Variants in SCAMP1 observed in about 807,000 individuals in gnomAD.
The protein encoded by SCAMP1 is secretory carrier membrane protein 1, also known as secretory carrier-associated membrane protein 1.
SCAMP1 carries 15 observed loss-of-function variants against 41.8 expected under a neutral mutation model. The observed-to-expected ratio is 0.36, with a 90% CI of 0.24 to 0.55. The LOEUF (loss-of-function observed/expected upper bound fraction) is 0.55, where lower values mean the gene tolerates loss of function less well. Among genes scored for constraint, SCAMP1 ranks in the 20% least tolerant of loss-of-function variants. The probability of loss-of-function intolerance (pLI) is 0.86; values close to 1 mark genes in which losing one functional copy is unlikely to be tolerated. For synonymous variants in SCAMP1, 135 were observed against 136.8 expected, an observed-to-expected ratio of 0.99 and a Z score of 0.09; for missense variants, 341 against 412.6, an observed-to-expected ratio of 0.83 and a Z score of 1.50.
At chr5:78,428,922 G>C (rs2112161295) in intron 6 of SCAMP1, among the ~76,000 whole-genome samples, 1 of 152,168 alleles carries the variant, frequency 6.6e-6, no homozygotes, top group African/African-American at 2.4e-5. Flanking sequence ...GTTGCTAGTA[G>C]TTAGAAATAA....
chr5:78,409,331 T>C (rs534138288), intron 2 of SCAMP1, among the ~76,000 whole-genome samples: 92 of 152,280 alleles, frequency 6.0e-4, no homozygotes, highest in Non-Finnish European at 1.1e-3. Context: ...TCTCTACATA[T>C]GGGTGATCTG....
intron 6 of SCAMP1, among the ~76,000 whole-genome samples, chr5:78,423,012 GCGCGCACACACA>G (rs1214637234): frequency 0.022 from 3,390 of 150,918 alleles, 144 homozygotes; most frequent in African/African-American, 0.077. Flanking sequence ...ACACACGCGC[GCGCGCACACACA>G]CACACACACA....
intron 6 of SCAMP1, among the ~76,000 whole-genome samples, chr5:78,440,285 C>T (rs1158140659): frequency 1.3e-5 from 2 of 152,202 alleles, no homozygotes; most frequent in Non-Finnish European, 2.9e-5. Context: ...AGAAGGGGCG[C>T]TCTGATTTTT....
intron 6 of SCAMP1, among the ~76,000 whole-genome samples, chr5:78,443,653 C>CTTTTTTTTTTTTTTT (rs71613955): frequency 1.4e-5 from 1 of 71,960 alleles, no homozygotes; most frequent in Non-Finnish European, 2.4e-5. Flanking sequence ...AGTGGTTTTG[C>CTTTTTTTTTTTTTTT]TTTTTTTTTT....
At chr5:78,370,461 T>G (rs564825017) in intron 1 of SCAMP1, among the ~76,000 whole-genome samples, 51 of 152,148 alleles carry the variant, frequency 3.4e-4, no homozygotes, top group African/African-American at 1.1e-3. Flanking sequence ...GAAAACCCTG[T>G]TCTCCTTTCT....
chr5:78,461,269 G>A (rs1753605489), intron 8 of SCAMP1, among the ~76,000 whole-genome samples: 1 of 152,186 alleles, frequency 6.6e-6, no homozygotes, highest in South Asian at 2.1e-4. Flanking sequence ...GTCTAGAAGA[G>A]TATTTCCTAG....
At chr5:78,467,969 G>A (rs913254649) in intron 8 of SCAMP1, among the ~76,000 whole-genome samples, 9 of 152,060 alleles carry the variant, frequency 5.9e-5, no homozygotes, top group African/African-American at 2.2e-4. Context: ...AACAGTTAAT[G>A]CCCTCTAACC....
At chr5:78,396,878 T>C (rs187730601) in intron 2 of SCAMP1, among the ~76,000 whole-genome samples, 39 of 152,364 alleles carry the variant, frequency 2.6e-4, no homozygotes, top group Admixed American at 2.4e-3. Flanking sequence ...AATTTAACAA[T>C]GTAGAAGTCA....
intron 1 of SCAMP1, among the ~76,000 whole-genome samples, chr5:78,385,259 A>G (rs1287142441): frequency 3.3e-5 from 5 of 152,018 alleles, no homozygotes; most frequent in African/African-American, 9.7e-5. Context: ...GTAGCCTTGA[A>G]TGATCTTTGT....
chr5:78,458,515 T>G (rs907521052), intron 7 of SCAMP1, among the ~76,000 whole-genome samples: 1 of 152,234 alleles, frequency 6.6e-6, no homozygotes, highest in African/African-American at 2.4e-5. Context: ...ATTCTAGATG[T>G]GAATCCTTTG....
chr5:78,444,718 C>T (rs960373624), intron 6 of SCAMP1, among the ~76,000 whole-genome samples: 5 of 152,148 alleles, frequency 3.3e-5, no homozygotes, highest in Non-Finnish European at 5.9e-5. Context: ...CTTCTGTGAG[C>T]AGGACATTAC....
chr5:78,385,554 G>A (rs1031111838), intron 1 of SCAMP1, among the ~76,000 whole-genome samples: 6 of 151,880 alleles, frequency 4.0e-5, no homozygotes, highest in African/African-American at 1.5e-4. Context: ...TATTTGTGCT[G>A]TTTCAGACTT....
At chr5:78,427,903 AT>A (rs1465698464) in intron 6 of SCAMP1, among the ~76,000 whole-genome samples, 2 of 152,202 alleles carry the variant, frequency 1.3e-5, no homozygotes, top group East Asian at 3.9e-4. Context: ...TATTAAGTTT[AT>A]TTTTAAAATA....
intron 7 of SCAMP1, among the ~76,000 whole-genome samples, chr5:78,457,568 A>T (rs1344462414): frequency 1.3e-5 from 2 of 152,176 alleles, no homozygotes; most frequent in Non-Finnish European, 2.9e-5. Context: ...GCGTGCTGGG[A>T]GAACCACTGC....
chr5:78,398,388 A>G (rs1259486501), intron 2 of SCAMP1, among the ~76,000 whole-genome samples: 1 of 91,616 alleles, frequency 1.1e-5, no homozygotes, highest in East Asian at 3.1e-4. Context: ...TTTTTGAGAC[A>G]GGGTCTCACT....
At chr5:78,443,653 C>CTTTTTTTTTTTTTT (rs71613955) in intron 6 of SCAMP1, among the ~76,000 whole-genome samples, 3 of 71,960 alleles carry the variant, frequency 4.2e-5, no homozygotes, top group African/African-American at 1.2e-4. Context: ...AGTGGTTTTG[C>CTTTTTTTTTTTTTT]TTTTTTTTTT....
intron 1 of SCAMP1, among the ~76,000 whole-genome samples, chr5:78,380,635 T>C (rs1751181315): frequency 6.6e-6 from 1 of 152,228 alleles, no homozygotes; most frequent in African/African-American, 2.4e-5. Flanking sequence ...GCTGCTATTA[T>C]CTTGAAGAAT....
chr5:78,417,749 C>T (rs948433967), intron 4 of SCAMP1, among the ~76,000 whole-genome samples: 2 of 152,144 alleles, frequency 1.3e-5, no homozygotes, highest in Admixed American at 1.3e-4. Flanking sequence ...TCCAGAGCCT[C>T]TCTTCTTTAC....
At chr5:78,413,673 C>A (rs1428429734) in intron 2 of SCAMP1, among the ~76,000 whole-genome samples, 1 of 152,192 alleles carries the variant, frequency 6.6e-6, no homozygotes, top group Non-Finnish European at 1.5e-5. Context: ...CCACCTTGGC[C>A]TCCCAAAGTG....
Sources: allele counts gnomAD v4.1 joint callset (sites outside exome capture counted in the v4.1 genomes callset), GRCh38; gene constraint gnomAD v4.1.1; transcripts MANE v1.5; gene names NCBI Gene and HGNC (gene_info 2026-07-23, HGNC 2026-07-21).